Variants in KCNIP3 observed in about 807,000 individuals in gnomAD.
The protein encoded by KCNIP3 is potassium voltage-gated channel interacting protein 3.
KCNIP3 carries 28 observed loss-of-function variants against 35.0 expected under a neutral mutation model. The observed-to-expected ratio is 0.80, with a 90% confidence interval of 0.59 to 1.10. The LOEUF (loss-of-function observed/expected upper bound fraction) is 1.10. Ranked by LOEUF, KCNIP3 falls within the 50% of genes least tolerant of loss-of-function variation. The pLI, the probability that KCNIP3 is intolerant of heterozygous loss-of-function variation, is 0.00. For synonymous variants in KCNIP3, 134 were observed against 133.8 expected (o/e 1.00, Z -0.01); for missense variants, 295 against 338.4 (o/e 0.87, Z 1.01).
rs79484552 is a variant in KCNIP3, at chr2:95,303,348, T to C, written c.15+5895T>C. ...AGGTTTGTTCCAAGTGCTCAGCCTC[T>C]GTCTGTGGTGTGGAAACTCTCGGGA... On this transcript the variant is annotated intron_variant, in intron 1 of 8. Transcript: ENST00000295225. 771 of 152,616 alleles carry C rather than the reference T, an allele frequency of 5.1e-3. 3 individuals carry two copies. The highest frequency in any genetic ancestry group is 8.6e-3 in the Non-Finnish European group (590 of 68,216). The allele number at this position is 152,616 out of a possible 1,614,324, so 9.5% of individuals were successfully genotyped here.
chr2:95,377,319 G>C lies in KCNIP3; in HGVS notation c.447+2111G>C, dbSNP rs1454720356. Among the ~76,000 whole-genome samples the C allele has an allele frequency of 1.3e-5, 2 of 152,212 alleles. No individual in the cohort carries two copies. Among genetic ancestry groups the C allele is most frequent in the African/African-American group, 4.8e-5 (2 of 41,454 alleles). On this transcript the variant is annotated intron_variant, in intron 5 of 8. Coordinates refer to ENST00000295225, the MANE Select transcript of KCNIP3 (RefSeq NM_013434.5). The surrounding 1 kb of genome is among the most constrained non-coding windows in gnomAD (Gnocchi z 4.7). Reference sequence around the variant, plus strand: ...CAGGCAGGCATCTGGAGGTGCGGCCGCTTCTCTGTTACCTCCCCCGACAGT... The same window carrying C: ...CAGGCAGGCATCTGGAGGTGCGGCCCCTTCTCTGTTACCTCCCCCGACAGT...
Position 95,381,603 on chromosome 2 carries a change from T to C in KCNIP3, c.455T>C (p.Val152Ala). The C allele has an allele frequency of 6.2e-7, 1 of 1,613,438 alleles. No homozygotes were observed. The highest frequency in any genetic ancestry group is 1.7e-4 in the Middle Eastern group (1 of 6,060). Residue 152 changes from valine (V) to alanine (A), a missense_variant, in exon 6 of 9, where the codon GTG (valine) becomes GCG (alanine). Transcript: ENST00000295225. ...ACTCTCCTTTCCCCATAGGACTTTGTGGTTGGCCTCTCCATCCTGCTGCGG... is the reference window on the plus strand; with the variant it reads ...ACTCTCCTTTCCCCATAGGACTTTGCGGTTGGCCTCTCCATCCTGCTGCGG... ...GNGAIHFEDFVVGLSILLRGT... is the reference protein window; with the variant it reads ...GNGAIHFEDFAVGLSILLRGT...
intron 2 of KCNIP3, among the ~76,000 whole-genome samples, chr2:95,325,714 C>G (rs1558763617): frequency 6.6e-6 from 1 of 151,594 alleles, no homozygotes; most frequent in African/African-American, 2.4e-5. Context: ...TACACACAGT[C>G]ATACACTTAT....
chr2:95,356,197 G>GT (rs1176883750), intron 2 of KCNIP3, among the ~76,000 whole-genome samples: 2 of 150,726 alleles, frequency 1.3e-5, no homozygotes, highest in African/African-American at 2.4e-5. Flanking sequence ...GGGGTTGTTT[G>GT]TTTTTTTTTC....
At chr2:95,383,978 G>A (rs1325499608) in intron 8 of KCNIP3, 24 bp from the exon 9 acceptor site, 2 of 1,612,928 alleles carry the variant, frequency 1.2e-6, no homozygotes, top group Admixed American at 1.7e-5. Flanking sequence ...GCACCTGAAG[G>A]CCTCCCTTCC....
chr2:95,322,167 C>T (rs1197324113), intron 2 of KCNIP3, among the ~76,000 whole-genome samples: 1 of 152,110 alleles, frequency 6.6e-6, no homozygotes, highest in Non-Finnish European at 1.5e-5. Context: ...GAGTTCGAGA[C>T]CAGCTTGGGC....
chr2:95,353,336 T>C (rs1160975515), intron 2 of KCNIP3, among the ~76,000 whole-genome samples: 1 of 152,138 alleles, frequency 6.6e-6, no homozygotes, highest in African/African-American at 2.4e-5. Context: ...GATGTGGCTG[T>C]GTGGTCCAGT....
chr2:95,341,998 C>T (rs957566552), intron 2 of KCNIP3, among the ~76,000 whole-genome samples: 1 of 152,022 alleles, frequency 6.6e-6, no homozygotes, highest in Non-Finnish European at 1.5e-5. Context: ...GGTGACTCTG[C>T]GGAAGTGACA....
intron 2 of KCNIP3, among the ~76,000 whole-genome samples, chr2:95,335,002 T>C (rs190790195): frequency 6.6e-6 from 1 of 152,228 alleles, no homozygotes; most frequent in African/African-American, 2.4e-5. Flanking sequence ...ACAGTAACAC[T>C]TGGGCATGTG....
At chr2:95,380,888 G>C (rs1680319869) in intron 5 of KCNIP3, among the ~76,000 whole-genome samples, 1 of 152,150 alleles carries the variant, frequency 6.6e-6, no homozygotes, top group East Asian at 1.9e-4. Context: ...GGATTATTCC[G>C]AGTGGTCCCA....
rs569416107 is a variant in KCNIP3, at chr2:95,384,503, C to T, written c.*454C>T. 3.9e-5 allele frequency: 7 copies of T among 180,032 alleles called. No homozygotes were observed. The highest frequency in any genetic ancestry group is 2.7e-4 in the South Asian group (2 of 7,324). The allele number at this position is 180,032 out of a possible 1,614,324, so 11.2% of individuals were successfully genotyped here. On this transcript the variant is annotated 3_prime_UTR_variant, in exon 9 of 9. Coordinates refer to ENST00000295225, the MANE Select transcript of KCNIP3 (RefSeq NM_013434.5). ...CCCCAGGCTCCCCTGGTCTCCTCCC[C>T]GTAGCCACTCTCTGCCCACTACCTA...
intron 1 of KCNIP3, among the ~76,000 whole-genome samples, chr2:95,308,086 G>A (rs1678222182): frequency 6.6e-6 from 1 of 152,096 alleles, no homozygotes; most frequent in African/African-American, 2.4e-5. Context: ...ATGAACATGT[G>A]TACTTGTGTG....
At chr2:95,374,271 C>T (rs1210358076) in intron 2 of KCNIP3, 25 bp from the exon 3 acceptor site, 1 of 1,611,672 alleles carries the variant, frequency 6.2e-7, no homozygotes, top group Admixed American at 1.7e-5. Flanking sequence ...AGGCCTTACA[C>T]TCTCTGGTCT....
rs533312035 is a variant in KCNIP3 at position 95,328,583 on chromosome 2, G to A, written c.181+18063G>A. On this transcript the variant is annotated intron_variant, in intron 2 of 8. Coordinates refer to ENST00000295225, the MANE Select transcript of KCNIP3 (RefSeq NM_013434.5). ...GCGTGTACCCATGTGTGTGGCACAT[G>A]CATGTGTGTGCACACTCCTGTGTGT... Among the ~76,000 whole-genome samples the A allele has an allele frequency of 4.6e-5, 7 of 152,354 alleles. No individual in the cohort carries two copies. In the South Asian group the frequency reaches 1.4e-3, roughly 32 times the overall value.
chr2:95,331,378 A>G (rs1678923722), intron 2 of KCNIP3, among the ~76,000 whole-genome samples: 1 of 151,800 alleles, frequency 6.6e-6, no homozygotes, highest in African/African-American at 2.4e-5. Flanking sequence ...TGAGGGGAGG[A>G]GGGGGCTTGG....
chr2:95,361,291 G>T (rs928964482), intron 2 of KCNIP3, among the ~76,000 whole-genome samples: 2 of 152,046 alleles, frequency 1.3e-5, no homozygotes, highest in African/African-American at 4.8e-5. Flanking sequence ...AGTCATTCTG[G>T]ACTCTGCCTG....
At chr2:95,332,788 T>A (rs1214279607) in intron 2 of KCNIP3, among the ~76,000 whole-genome samples, 1 of 152,224 alleles carries the variant, frequency 6.6e-6, no homozygotes, top group Non-Finnish European at 1.5e-5. Flanking sequence ...TGAAGAGCCC[T>A]GGCTTTGGAA....
intron 2 of KCNIP3, among the ~76,000 whole-genome samples, chr2:95,350,564 A>G (rs1679488907): frequency 6.6e-6 from 1 of 152,108 alleles, no homozygotes; most frequent in Admixed American, 6.5e-5. Flanking sequence ...TGTGAGAGCT[A>G]CTGCCTGGAT....
At chr2:95,316,560 G>A (rs1339996197) in intron 2 of KCNIP3, among the ~76,000 whole-genome samples, 2 of 152,202 alleles carry the variant, frequency 1.3e-5, no homozygotes, top group Non-Finnish European at 2.9e-5. Context: ...CTGTGGCAAT[G>A]TGGTTGCTTT....
Sources: gnomAD v4.1 joint callset for allele counts (sites outside exome capture counted in the v4.1 genomes callset) on GRCh38, gnomAD v4.1.1 for gene constraint, Gnocchi (gnomAD v3.1) non-coding constraint, MANE v1.5 for transcripts, NCBI Gene and HGNC (gene_info 2026-07-23, HGNC 2026-07-21) for gene names.